B3GALT1: variants seen among roughly 807,000 people sequenced by gnomAD.
The protein encoded by B3GALT1 is beta-1,3-galactosyltransferase 1.
In B3GALT1, 10 loss-of-function variants were observed where a neutral mutation model predicts 23.2. The observed-to-expected ratio is 0.43, with a 90% CI of 0.27 to 0.73. B3GALT1 has a LOEUF of 0.73. Among genes scored for constraint, B3GALT1 ranks in the 30% least tolerant of loss-of-function variants. The pLI is 0.21. For synonymous variants in B3GALT1, 156 were observed against 141.5 expected (o/e 1.10, Z -0.73); for missense variants, 299 against 405.4 (o/e 0.74, Z 2.25).
chr2:167,765,696 C>G (rs1049468064), intron 3 of B3GALT1, among the ~76,000 whole-genome samples: 1 of 152,126 alleles, frequency 6.6e-6, no homozygotes, highest in Admixed American at 6.6e-5. Context: ...CCAAATTTGA[C>G]TATAAAATAC....
At position 167,739,939 on chromosome 2, in the gene B3GALT1, C is replaced by CA. The variant is rs1041523090; in HGVS notation, c.-351-78720dup. On this transcript the variant is annotated intron_variant, in intron 3 of 4. Coordinates refer to ENST00000392690, the MANE Select transcript of B3GALT1 (RefSeq NM_020981.4). ...GAAGTTGTCTCTACAAAAAAACAAACAAAAAAAAAAAAATCTAGGCGTGGT... is the reference window on the plus strand; with the variant it reads ...GAAGTTGTCTCTACAAAAAAACAAACAAAAAAAAAAAAAATCTAGGCGTGGT... 3.7e-4 allele frequency among the ~76,000 whole-genome samples: 44 copies of CA among 119,100 alleles called. 1 individual carries two copies. Among genetic ancestry groups the CA allele is most frequent in the Non-Finnish European group, 4.5e-4 (24 of 52,748 alleles). The allele number at this position is 119,100 out of a possible 152,430, so 78.1% of individuals were successfully genotyped here.
chr2:167,790,535 T>C (rs138705400), intron 3 of B3GALT1, among the ~76,000 whole-genome samples: 1 of 152,344 alleles, frequency 6.6e-6, no homozygotes, highest in Non-Finnish European at 1.5e-5. Context: ...ACGCTTTCCA[T>C]GCACAAACTA....
chr2:167,560,883 A>C (rs929345684), intron 2 of B3GALT1, among the ~76,000 whole-genome samples: 2 of 151,992 alleles, frequency 1.3e-5, no homozygotes, highest in Non-Finnish European at 2.9e-5. Context: ...CACTGTCAAC[A>C]TTAGACAGAT....
intron 2 of B3GALT1, among the ~76,000 whole-genome samples, chr2:167,611,184 AT>A (rs1479874285): frequency 6.6e-6 from 1 of 152,038 alleles, no homozygotes; most frequent in African/African-American, 2.4e-5. Flanking sequence ...AGAACCAGTT[AT>A]CTGATTAACT....
chr2:167,672,220 G>T (rs899608728), intron 3 of B3GALT1, among the ~76,000 whole-genome samples: 3 of 151,938 alleles, frequency 2.0e-5, no homozygotes, highest in African/African-American at 7.2e-5. Context: ...CCCTCCTTAC[G>T]ATCCCCATCT....
intron 3 of B3GALT1, among the ~76,000 whole-genome samples, chr2:167,779,648 C>G (rs1688216005): frequency 6.6e-6 from 1 of 152,156 alleles, no homozygotes; most frequent in African/African-American, 2.4e-5. Flanking sequence ...GTGTCTTGCA[C>G]TAATTTGTAG....
In B3GALT1 at chr2:167,753,478, A is replaced by G. The variant is rs115390433; in HGVS notation, c.-351-65194A>G. On this transcript the variant is annotated intron_variant, in intron 3 of 4. Transcript: ENST00000392690. ...GGTGATCCTCCCACTTTCCATGCAG[A>G]GAGAATTCAGACATCTAAAAAGCCC... 3.0e-3 allele frequency among the ~76,000 whole-genome samples: 460 copies of G among 152,242 alleles called. 5 individuals are homozygous for G. Among genetic ancestry groups the G allele is most frequent in the African/African-American group, 0.011 (444 of 41,548 alleles).
intron 3 of B3GALT1, among the ~76,000 whole-genome samples, chr2:167,655,143 T>G (rs971844478): frequency 2.0e-5 from 3 of 152,158 alleles, no homozygotes; most frequent in African/African-American, 7.2e-5. Flanking sequence ...ATACACAAAT[T>G]CCATTTGAAT....
intron 2 of B3GALT1, among the ~76,000 whole-genome samples, chr2:167,535,365 T>C (rs887234782): frequency 6.6e-6 from 1 of 152,114 alleles, no homozygotes; most frequent in Non-Finnish European, 1.5e-5. Flanking sequence ...CAGCCCATCA[T>C]GGGAAAGACA....
intron 3 of B3GALT1, among the ~76,000 whole-genome samples, chr2:167,759,675 T>C (rs1187125315): frequency 1.3e-5 from 2 of 152,144 alleles, no homozygotes; most frequent in African/African-American, 4.8e-5. Flanking sequence ...TGTTGATTTT[T>C]TTCCACTGTG....
At chr2:167,354,835 T>G (rs1697376741) in intron 1 of B3GALT1, among the ~76,000 whole-genome samples, 1 of 152,222 alleles carries the variant, frequency 6.6e-6, no homozygotes, top group South Asian at 2.1e-4. Flanking sequence ...GCACCACATT[T>G]ATTGTCTTCC....
chr2:167,608,153 A>G (rs1389787624), intron 2 of B3GALT1, among the ~76,000 whole-genome samples: 1 of 152,184 alleles, frequency 6.6e-6, no homozygotes, highest in Non-Finnish European at 1.5e-5. Flanking sequence ...AATTGTTAAT[A>G]TTATGATTAC....
chr2:167,568,787 A>C (rs1684230258), intron 2 of B3GALT1, among the ~76,000 whole-genome samples: 1 of 151,638 alleles, frequency 6.6e-6, no homozygotes, highest in Admixed American at 6.6e-5. Context: ...TTTTTTATCT[A>C]AAGAGTCATT....
intron 3 of B3GALT1, among the ~76,000 whole-genome samples, chr2:167,782,336 A>G (rs1029299695): frequency 1.3e-5 from 2 of 152,130 alleles, no homozygotes; most frequent in Non-Finnish European, 2.9e-5. Context: ...GTGGGTGTGC[A>G]GGGTTGAGGG....
intron 2 of B3GALT1, among the ~76,000 whole-genome samples, chr2:167,510,461 T>C (rs1699989741): frequency 6.9e-6 from 1 of 145,920 alleles, no homozygotes; most frequent in African/African-American, 2.5e-5. Flanking sequence ...ACCAGATACA[T>C]CCTGCTAAAA....
At chr2:167,592,286 C>T (rs1254059675) in intron 2 of B3GALT1, among the ~76,000 whole-genome samples, 1 of 152,150 alleles carries the variant, frequency 6.6e-6, no homozygotes, top group African/African-American at 2.4e-5. Flanking sequence ...CTCTCTGCCC[C>T]AATCATGAAG....
chr2:167,684,953 C>T (rs1417094552), intron 3 of B3GALT1, among the ~76,000 whole-genome samples: 1 of 152,150 alleles, frequency 6.6e-6, no homozygotes, highest in African/African-American at 2.4e-5. Flanking sequence ...ACAACATCAA[C>T]CACCACCACT....
intron 3 of B3GALT1, among the ~76,000 whole-genome samples, chr2:167,652,688 T>C (rs1333268262): frequency 6.6e-6 from 1 of 152,160 alleles, no homozygotes; most frequent in African/African-American, 2.4e-5. Context: ...AATATTTATC[T>C]GTGTACTTCA....
chr2:167,788,783 C>T (rs1256478580), intron 3 of B3GALT1, among the ~76,000 whole-genome samples: 1 of 152,054 alleles, frequency 6.6e-6, no homozygotes, highest in Non-Finnish European at 1.5e-5. Context: ...TCTAATGTCC[C>T]AAAGTGACCA....
Sources: gnomAD v4.1 joint callset for allele counts (sites outside exome capture counted in the v4.1 genomes callset) on GRCh38, gnomAD v4.1.1 for gene constraint, MANE v1.5 for transcripts, NCBI Gene and HGNC (gene_info 2026-07-23, HGNC 2026-07-21) for gene names.